HSF5: variants seen among roughly 807,000 people sequenced by gnomAD.
The protein encoded by HSF5 is heat shock transcription factor 5, also known as heat shock factor protein 5.
A neutral mutation model predicts 50.8 loss-of-function variants in HSF5; 5 were observed. That is an observed-to-expected ratio of 0.10 (90% CI 0.05 to 0.21). The LOEUF is 0.21. HSF5 is among the 10% of genes least tolerant of loss of function. HSF5 has a pLI of 1.00. For missense variants in HSF5, 564 were observed against 762.6 expected, an observed-to-expected ratio of 0.74 and a Z score of 3.07; for synonymous variants, 307 against 307.4, an observed-to-expected ratio of 1.00 and a Z score of 0.02.
chr17:58,458,691 C>T, intron 5 of HSF5, 77 bp downstream of exon 5: 2 of 1,208,978 alleles, frequency 1.7e-6, no homozygotes, highest in Admixed American at 2.7e-5. Flanking sequence ...AAATGGAGAC[C>T]CAGAAAAAAT....
intron 5 of HSF5, among the ~76,000 whole-genome samples, chr17:58,447,555 A>G (rs1320309950): frequency 6.6e-6 from 1 of 152,170 alleles, no homozygotes; most frequent in African/African-American, 2.4e-5. Flanking sequence ...CTTGGGGGAA[A>G]GAGAGGGAAG....
chr17:58,472,570 T>C (rs546318892), intron 2 of HSF5, among the ~76,000 whole-genome samples: 10 of 152,360 alleles, frequency 6.6e-5, no homozygotes, highest in African/African-American at 2.4e-4. Flanking sequence ...TATTCACATA[T>C]ATTAATTTAT....
chr17:58,476,807 T>C (rs1349271498), intron 2 of HSF5: 2 of 1,584,702 alleles, frequency 1.3e-6, no homozygotes, highest in Admixed American at 1.7e-5. Flanking sequence ...CTCACTGGCT[T>C]GTTCATTAAG....
At chr17:58,486,605 C>T (rs780163459) in intron 1 of HSF5, among the ~76,000 whole-genome samples, 31 of 152,186 alleles carry the variant, frequency 2.0e-4, no homozygotes, top group Non-Finnish European at 3.8e-4. Context: ...TTTAAGGAAG[C>T]ATCAAGCTCT....
intron 5 of HSF5, among the ~76,000 whole-genome samples, chr17:58,442,200 T>C (rs534455788): frequency 6.6e-6 from 1 of 152,314 alleles, no homozygotes; most frequent in South Asian, 2.1e-4. Context: ...TTACCTCTTC[T>C]TCCATGGTGG....
At chr17:58,474,456 C>G (rs926704350) in intron 2 of HSF5, among the ~76,000 whole-genome samples, 8 of 152,074 alleles carry the variant, frequency 5.3e-5, no homozygotes, top group Non-Finnish European at 8.8e-5. Flanking sequence ...ACAAAATTCT[C>G]TATATACTGT....
chr17:58,432,109 A>C (rs1974372639), intron 5 of HSF5, among the ~76,000 whole-genome samples: 2 of 152,152 alleles, frequency 1.3e-5, no homozygotes, highest in Non-Finnish European at 1.5e-5. Flanking sequence ...AAAAGACTGC[A>C]TTTTTCCATA....
intron 5 of HSF5, among the ~76,000 whole-genome samples, chr17:58,446,217 C>T (rs1974560921): frequency 6.6e-6 from 1 of 151,912 alleles, no homozygotes. Flanking sequence ...TGATTCTCCC[C>T]CCACAGGAAC....
At chr17:58,479,560 C>T (rs971683880) in intron 2 of HSF5, among the ~76,000 whole-genome samples, 2 of 152,110 alleles carry the variant, frequency 1.3e-5, no homozygotes, top group African/African-American at 2.4e-5. Context: ...GCCTCAGCCT[C>T]CCAAAGTGCT....
chr17:58,457,948 C>T (rs1974735691), intron 5 of HSF5, among the ~76,000 whole-genome samples: 1 of 152,336 alleles, frequency 6.6e-6, no homozygotes, highest in South Asian at 2.1e-4. Flanking sequence ...CTGAGCTACA[C>T]CATGATCATA....
chr17:58,465,654 A>T, intron 3 of HSF5, among the ~76,000 whole-genome samples: 1 of 151,660 alleles, frequency 6.6e-6, no homozygotes, highest in Non-Finnish European at 1.5e-5. Flanking sequence ...TGTTCTTTTG[A>T]GTACCCTAAT....
chr17:58,472,574 A>C (rs1437349726), intron 2 of HSF5, among the ~76,000 whole-genome samples: 5 of 152,216 alleles, frequency 3.3e-5, no homozygotes, highest in Non-Finnish European at 2.9e-5. Context: ...CACATATATT[A>C]ATTTATTTAA....
At chr17:58,466,351 G>A (rs963155894) in intron 3 of HSF5, among the ~76,000 whole-genome samples, 2 of 152,070 alleles carry the variant, frequency 1.3e-5, no homozygotes, top group Non-Finnish European at 2.9e-5. Flanking sequence ...CTGTCATTTG[G>A]TGACTTACAC....
chr17:58,466,920 TG>T lies in HSF5; in HGVS notation c.984del (p.Thr329LeufsTer42). 6.2e-7 allele frequency: 1 copy of T among 1,610,494 alleles called. No homozygotes were observed. On this transcript the variant is annotated frameshift_variant, in exon 3 of 6. Transcript: ENST00000323777. LOFTEE classifies it high-confidence loss of function. ...TTGCAGTGTGCATAGGAAGAGGCAG[TG>T]GGAGTGACACAACTACTTAGAGCAT... is the stretch of plus-strand genomic sequence containing the variant. ...HMDALSSCVT[P>X]TASSYAHCNY...
At chr17:58,470,792 G>A (rs1974933512) in intron 2 of HSF5, among the ~76,000 whole-genome samples, 2 of 152,100 alleles carry the variant, frequency 1.3e-5, no homozygotes, top group African/African-American at 4.8e-5. Flanking sequence ...CGGGTGTGGT[G>A]GTGCACGCCT....
intron 5 of HSF5, among the ~76,000 whole-genome samples, chr17:58,423,375 G>T (rs1245848198): frequency 2.0e-5 from 3 of 151,752 alleles, no homozygotes; most frequent in African/African-American, 7.3e-5. Context: ...TGTAGAAGTT[G>T]AGCTAAAACG....
At chr17:58,428,379 G>T (rs1974321531) in intron 5 of HSF5, among the ~76,000 whole-genome samples, 1 of 152,220 alleles carries the variant, frequency 6.6e-6, no homozygotes, top group South Asian at 2.1e-4. Context: ...CACAATGAAG[G>T]CCAGGCGCGG....
At chr17:58,445,972 T>C (rs1183014785) in intron 5 of HSF5, among the ~76,000 whole-genome samples, 1 of 151,582 alleles carries the variant, frequency 6.6e-6, no homozygotes, top group Non-Finnish European at 1.5e-5. Context: ...CCTGTCTCTA[T>C]TAAAAATACA....
At chr17:58,467,054 C>T (rs1974877651) in intron 2 of HSF5, 75 bp from the exon 3 acceptor site, 1 of 938,942 alleles carries the variant, frequency 1.1e-6, no homozygotes, top group African/African-American at 1.6e-5. Flanking sequence ...TCCCCTCTTT[C>T]AACATGGAAA....
Sources: allele counts gnomAD v4.1 joint callset (sites outside exome capture counted in the v4.1 genomes callset), GRCh38; gene constraint gnomAD v4.1.1; transcripts MANE v1.5; gene names NCBI Gene and HGNC (gene_info 2026-07-23, HGNC 2026-07-21).